Variants in RICTOR observed in about 807,000 individuals in gnomAD.
RICTOR encodes the protein rapamycin-insensitive companion of mTOR.
In RICTOR, 49 loss-of-function variants were observed where a neutral mutation model predicts 214.9. That is an observed-to-expected ratio of 0.23 (90% CI 0.18 to 0.29). RICTOR has a LOEUF of 0.29. RICTOR is among the 10% of genes least tolerant of loss of function. The probability of loss-of-function intolerance (pLI) is 1.00; values close to 1 mark genes in which losing one functional copy is unlikely to be tolerated. For synonymous variants in RICTOR, 717 were observed against 711.3 expected, an observed-to-expected ratio of 1.01 and a Z score of -0.13; for missense variants, 1,625 against 2,047.0, an observed-to-expected ratio of 0.79 and a Z score of 3.98.
At chr5:39,023,300 C>T (rs1162066707) in intron 2 of RICTOR, among the ~76,000 whole-genome samples, 1 of 150,546 alleles carries the variant, frequency 6.6e-6, no homozygotes, top group East Asian at 1.9e-4. Context: ...AAACCACTGA[C>T]AGAGAAAATC....
rs1480084148 is a variant in RICTOR at position 38,957,661 on chromosome 5, C to G, written c.2490G>C (p.Lys830Asn). The G allele has an allele frequency of 1.9e-6, 3 of 1,556,676 alleles. No individual in the cohort carries two copies. Among genetic ancestry groups the G allele is most frequent in the African/African-American group, 1.4e-5 (1 of 73,156 alleles). The change falls in exon 25 of 38, where the codon AAG becomes AAC. Residue 830 changes from lysine to asparagine, a missense_variant. Transcript: ENST00000357387. ...ERGYVAKQLE[K>N]WHREYNSKYV... ...TCAAATAAGAAGTTACCCTGTGCCA[C>G]TTTTCCAATTGTTTTGCTACATAAC...
intron 11 of RICTOR, chr5:38,969,762 G>A (rs1231104409): frequency 2.1e-5 from 3 of 145,956 alleles, no homozygotes; most frequent in African/African-American, 5.1e-5. Flanking sequence ...TCCGCCTCCC[G>A]GGTTCACACC....
At chr5:38,942,406 T>A in intron 37 of RICTOR, 28 bp from the exon 38 acceptor site, 1 of 1,440,678 alleles carries the variant, frequency 6.9e-7, no homozygotes, top group Non-Finnish European at 9.7e-7. Context: ...TATCATCAAT[T>A]ACTTTTATAA....
chr5:39,016,771 T>C (rs899936600), intron 3 of RICTOR, among the ~76,000 whole-genome samples: 2 of 152,130 alleles, frequency 1.3e-5, no homozygotes, highest in South Asian at 2.1e-4. Context: ...CACTGTCCAA[T>C]GTGGTTAGTA....
Position 38,938,999 on chromosome 5 carries a change from C to T in RICTOR, c.*3305G>A, listed in dbSNP as rs1747248757. On this transcript the variant is annotated 3_prime_UTR_variant, in exon 38 of 38. Transcript: ENST00000357387. Reference sequence around the variant, plus strand: ...GACTAAAGGAGAAAAAACCTTACTTCCAAAGAACATTTCCCAAAGTAGTTT... The same window carrying T: ...GACTAAAGGAGAAAAAACCTTACTTTCAAAGAACATTTCCCAAAGTAGTTT... 4.3e-6 allele frequency: 1 copy of T among 232,962 alleles called. No homozygotes were observed. The highest frequency in any genetic ancestry group is 8.5e-6 in the Non-Finnish European group (1 of 117,710). 14.4% of individuals were successfully genotyped at this position (232,962 alleles called of 1,614,324 possible).
At chr5:38,963,716 T>C (rs1749981921) in intron 16 of RICTOR, among the ~76,000 whole-genome samples, 1 of 151,946 alleles carries the variant, frequency 6.6e-6, no homozygotes, top group Admixed American at 6.6e-5. Context: ...GGACTATTCT[T>C]ACTGGAATTC....
intron 2 of RICTOR, among the ~76,000 whole-genome samples, chr5:39,025,827 T>C (rs1179535799): frequency 2.0e-5 from 3 of 152,168 alleles, no homozygotes; most frequent in African/African-American, 7.2e-5. Flanking sequence ...GGTTAGGATT[T>C]TGACATATTA....
chr5:39,043,723 G>A (rs1021023190), intron 2 of RICTOR, among the ~76,000 whole-genome samples: 1 of 152,150 alleles, frequency 6.6e-6, no homozygotes, highest in Non-Finnish European at 1.5e-5. Context: ...GTATTGAGAG[G>A]TGGGGTCTTG....
intron 24 of RICTOR, among the ~76,000 whole-genome samples, 199 bp from the exon 25 acceptor site, chr5:38,957,929 G>A (rs75889189): frequency 1.7e-3 from 262 of 151,982 alleles, no homozygotes; most frequent in African/African-American, 6.0e-3. Flanking sequence ...AACAACACGC[G>A]AACCCAATCA....
intron 10 of RICTOR, among the ~76,000 whole-genome samples, chr5:38,973,417 G>A (rs572456392): frequency 5.9e-5 from 9 of 152,232 alleles, no homozygotes; most frequent in Admixed American, 4.6e-4. Context: ...ACTGATGAAC[G>A]CCCAGTGGGA....
intron 3 of RICTOR, among the ~76,000 whole-genome samples, chr5:39,017,307 T>G (rs1755035057): frequency 6.6e-6 from 1 of 152,180 alleles, no homozygotes; most frequent in Admixed American, 6.6e-5. Flanking sequence ...TTATTTGAAT[T>G]GAGTGAAGAC....
intron 7 of RICTOR, among the ~76,000 whole-genome samples, chr5:38,986,731 T>G (rs1752200178): frequency 1.3e-5 from 2 of 152,230 alleles, no homozygotes; most frequent in African/African-American, 4.8e-5. Flanking sequence ...CTTGCCTGAC[T>G]GTCCTGGCCA....
At chr5:39,029,025 C>T (rs1756072920) in intron 2 of RICTOR, among the ~76,000 whole-genome samples, 1 of 151,918 alleles carries the variant, frequency 6.6e-6, no homozygotes, top group Non-Finnish European at 1.5e-5. Flanking sequence ...TATTTGTATG[C>T]AATGCAAATA....
At chr5:39,049,671 G>A (rs1255260009) in intron 2 of RICTOR, among the ~76,000 whole-genome samples, 1 of 140,668 alleles carries the variant, frequency 7.1e-6, no homozygotes, top group Non-Finnish European at 1.6e-5. Context: ...ATCCATGACA[G>A]AATAGGAAAG....
intron 2 of RICTOR, among the ~76,000 whole-genome samples, chr5:39,037,186 T>C (rs1371847182): frequency 1.3e-5 from 2 of 152,030 alleles, no homozygotes; most frequent in Non-Finnish European, 1.5e-5. Flanking sequence ...CTCAACTACA[T>C]GGAAACTAAA....
At chr5:38,947,113 A>C in intron 32 of RICTOR, 151 bp downstream of exon 32, 1 of 594,890 alleles carries the variant, frequency 1.7e-6, no homozygotes, top group East Asian at 2.8e-5. Context: ...AAATAATTTT[A>C]ATCTTAAAGT....
At chr5:39,026,180 G>A (rs1306214571) in intron 2 of RICTOR, among the ~76,000 whole-genome samples, 2 of 151,916 alleles carry the variant, frequency 1.3e-5, no homozygotes, top group Admixed American at 1.3e-4. Context: ...CTGTATGAGA[G>A]AAAAAAGGAA....
intron 2 of RICTOR, among the ~76,000 whole-genome samples, chr5:39,034,350 C>T (rs1477774314): frequency 3.9e-5 from 6 of 152,096 alleles, no homozygotes; most frequent in Non-Finnish European, 7.4e-5. Context: ...CCAAGATGGC[C>T]GAATAGGAAT....
At position 38,959,785 on chromosome 5, in the gene RICTOR, A is replaced by G. The variant is rs752655239; in HGVS notation, c.2045T>C (p.Phe682Ser). 1 of 1,610,214 alleles carries G rather than the reference A, an allele frequency of 6.2e-7. No individual in the cohort carries two copies. The highest frequency in any genetic ancestry group is 2.2e-5 in the East Asian group (1 of 44,798). ...GVKMLEKCSV[F>S]QCLLNLCSLK... ...AAAATCTGGGAATGCTCACCACTGA[A>G]ATACACTGCATTTTTCCAGCATTTT... is the stretch of plus-strand genomic sequence containing the variant. Residue 682 changes from phenylalanine to serine, a missense_variant, in exon 21 of 38, where the codon TTT (phenylalanine) becomes TCT (serine). Around this residue, in one of 5 missense-constraint regions of RICTOR, gnomAD observed 1,214 missense variants for 1,470.5 expected, o/e 0.83. Coordinates refer to ENST00000357387, the MANE Select transcript of RICTOR (RefSeq NM_152756.5).
Sources: allele counts gnomAD v4.1 joint callset (sites outside exome capture counted in the v4.1 genomes callset), GRCh38; gene constraint gnomAD v4.1.1; regional missense constraint gnomAD v4.1.1; transcripts MANE v1.5; gene names NCBI Gene and HGNC (gene_info 2026-07-23, HGNC 2026-07-21).